TM9SF4: variants seen among roughly 807,000 people sequenced by gnomAD.
The protein encoded by TM9SF4 is transmembrane 9 superfamily member 4, also known as dinucleotide oxidase disulfide thiol exchanger 3 superfamily member 4.
TM9SF4 carries 26 observed loss-of-function variants against 90.4 expected under a neutral mutation model. That is an observed-to-expected ratio of 0.29 (90% CI 0.21 to 0.40). The LOEUF (loss-of-function observed/expected upper bound fraction) is 0.40, where lower values mean the gene tolerates loss of function less well. TM9SF4 is among the 10% of genes least tolerant of loss of function. TM9SF4 has a pLI of 1.00. For missense variants in TM9SF4, 549 were observed against 834.8 expected, an observed-to-expected ratio of 0.66 and a Z score of 4.22; for synonymous variants, 293 against 315.4, an observed-to-expected ratio of 0.93 and a Z score of 0.75.
At chr20:32,133,414 A>G (rs2046549151) in intron 2 of TM9SF4, among the ~76,000 whole-genome samples, 1 of 151,724 alleles carries the variant, frequency 6.6e-6, no homozygotes, top group Non-Finnish European at 1.5e-5. Flanking sequence ...GTATGTGTCC[A>G]TCTCTTTTTG....
At chr20:32,146,729 G>C in intron 8 of TM9SF4, 56 bp from the exon 9 acceptor site, 1 of 1,556,476 alleles carries the variant, frequency 6.4e-7, no homozygotes, top group South Asian at 1.1e-5. Flanking sequence ...AGGGCATGGA[G>C]CATGGGCTTG....
At chr20:32,113,897 A>G (rs1428457881) in intron 1 of TM9SF4, among the ~76,000 whole-genome samples, 1 of 152,222 alleles carries the variant, frequency 6.6e-6, no homozygotes, top group Non-Finnish European at 1.5e-5. Context: ...CATTTTATAC[A>G]AAGATAATTA....
intron 1 of TM9SF4, among the ~76,000 whole-genome samples, chr20:32,131,708 C>G (rs978320456): frequency 6.6e-6 from 1 of 152,138 alleles, no homozygotes; most frequent in Non-Finnish European, 1.5e-5. Context: ...GTGTGGAAGA[C>G]AAAAGTTCGT....
chr20:32,146,330 G>A (rs1006107602), intron 8 of TM9SF4, among the ~76,000 whole-genome samples: 7 of 152,104 alleles, frequency 4.6e-5, no homozygotes, highest in African/African-American at 1.4e-4. Context: ...AGTGAGCCTC[G>A]AAGCACGCGT....
Position 32,123,867 on chromosome 20 carries a change from T to TATA in TM9SF4, c.16-9146_16-9145insATA, listed in dbSNP as rs1555882288. 3.7e-4 allele frequency among the ~76,000 whole-genome samples: 18 copies of TATA among 48,024 alleles called. 1 individual carries two copies. The highest frequency in any genetic ancestry group is 1.1e-3 in the African/African-American group (14 of 12,344). The allele number at this position is 48,024 out of a possible 152,430, so 31.5% of individuals were successfully genotyped here. A position where few individuals can be genotyped will look rare whatever the true frequency, so the allele number is the denominator to read the frequency against. ...TCTCATATATATATATATATATATA[T>TATA]TTTTTTTTTTAAAGAGATAGGGTCT... On this transcript the variant is annotated intron_variant, in intron 1 of 17. Transcript: ENST00000398022.
At chr20:32,145,246 G>T (rs1195260005) in intron 7 of TM9SF4, 37 bp downstream of exon 7, 7 of 1,613,082 alleles carry the variant, frequency 4.3e-6, no homozygotes, top group African/African-American at 1.3e-5. Context: ...AGGGGAGGAG[G>T]GCTCTGGTCT....
intron 8 of TM9SF4, among the ~76,000 whole-genome samples, chr20:32,145,627 C>T (rs1482294020): frequency 6.6e-6 from 1 of 152,204 alleles, no homozygotes; most frequent in Admixed American, 6.5e-5. Context: ...AGAGCTCATT[C>T]ATGGAGGACA....
chr20:32,162,865 AAAAAAAAGGG>A (rs1298003236), intron 17 of TM9SF4, among the ~76,000 whole-genome samples: 1 of 151,982 alleles, frequency 6.6e-6, no homozygotes. Flanking sequence ...AGCTTAAGCA[AAAAAAAAGGG>A]AAAAAAAGTA....
At chr20:32,163,351 C>T (rs1014940494) in intron 17 of TM9SF4, among the ~76,000 whole-genome samples, 1 of 147,304 alleles carries the variant, frequency 6.8e-6, no homozygotes, top group African/African-American at 2.5e-5. Flanking sequence ...CACGCCTTAG[C>T]CCTGTGTATC....
intron 3 of TM9SF4, 124 bp downstream of exon 3, chr20:32,136,297 G>C: frequency 2.2e-6 from 2 of 903,924 alleles, no homozygotes; most frequent in Non-Finnish European, 3.4e-6. Flanking sequence ...TTGCATACCT[G>C]TTAGCTTATT....
chr20:32,125,681 C>CTTTTT (rs11470673), intron 1 of TM9SF4, among the ~76,000 whole-genome samples: 5 of 108,922 alleles, frequency 4.6e-5, no homozygotes, highest in South Asian at 2.8e-4. Flanking sequence ...TCTCTTTTTT[C>CTTTTT]TTTTTTTTTT....
At chr20:32,134,125 T>C (rs1248294900) in intron 2 of TM9SF4, among the ~76,000 whole-genome samples, 1 of 152,004 alleles carries the variant, frequency 6.6e-6, no homozygotes, top group African/African-American at 2.4e-5. Flanking sequence ...CAAGACCCCA[T>C]CTCTTAACCA....
At chr20:32,119,261 C>G (rs1199505445) in intron 1 of TM9SF4, among the ~76,000 whole-genome samples, 1 of 151,912 alleles carries the variant, frequency 6.6e-6, no homozygotes, top group Non-Finnish European at 1.5e-5. Context: ...GAGTTCAAGA[C>G]CATCCTGGGC....
At chr20:32,143,149 T>C (rs778026732) in intron 6 of TM9SF4, 44 bp downstream of exon 6, 10 of 1,602,446 alleles carry the variant, frequency 6.2e-6, no homozygotes, top group Non-Finnish European at 8.5e-6. Flanking sequence ...TGGATGGGCC[T>C]GGGCTTCTCC....
chr20:32,127,073 G>C (rs892918393), intron 1 of TM9SF4, among the ~76,000 whole-genome samples: 3 of 152,100 alleles, frequency 2.0e-5, no homozygotes, highest in Non-Finnish European at 2.9e-5. Context: ...CATGGGCTTT[G>C]GGCTCAACCA....
chr20:32,164,074 A>G lies in TM9SF4; in HGVS notation c.1780-1221A>G, dbSNP rs891582015. Among the ~76,000 whole-genome samples, 6 of 152,068 alleles carry G rather than the reference A, an allele frequency of 3.9e-5. No individual in the cohort carries two copies. In the East Asian group the frequency reaches 7.7e-4, roughly 20 times the overall value. ...TGCTCCAGTCTTCTTGCTCTGCTCA[A>G]AAAATCTCTTCCTCCAGCCCCAATG... On this transcript the variant is annotated intron_variant, in intron 17 of 17. Coordinates refer to ENST00000398022, the MANE Select transcript of TM9SF4 (RefSeq NM_014742.4).
chr20:32,110,167 C>A, intron 1 of TM9SF4: 2 of 698,714 alleles, frequency 2.9e-6, no homozygotes, highest in Non-Finnish European at 3.7e-6. Context: ...ACCATCATAA[C>A]CAGTCCGCAG....
chr20:32,162,250 T>TTTGCAAA (rs541989601), intron 17 of TM9SF4, among the ~76,000 whole-genome samples: 169 of 152,276 alleles, frequency 1.1e-3, no homozygotes, highest in African/African-American at 3.9e-3. Context: ...AAAATAGAGT[T>TTTGCAAA]GTAGGTCAGT....
intron 2 of TM9SF4, among the ~76,000 whole-genome samples, chr20:32,134,001 A>T (rs1298213370): frequency 4.8e-5 from 7 of 145,948 alleles, no homozygotes; most frequent in African/African-American, 1.8e-4. Flanking sequence ...TTAAGTAGAG[A>T]TGAGGTCTCA....
Sources: allele counts gnomAD v4.1 joint callset (sites outside exome capture counted in the v4.1 genomes callset), GRCh38; gene constraint gnomAD v4.1.1; transcripts MANE v1.5; gene names NCBI Gene and HGNC (gene_info 2026-07-23, HGNC 2026-07-21).